The following RYR3 variants were observed in gnomAD, a reference collection of about 807,000 sequenced individuals.
RYR3 encodes the protein brain ryanodine receptor-calcium release channel.
A neutral mutation model predicts 584.3 loss-of-function variants in RYR3; 207 were observed. The ratio of observed to expected loss-of-function variants is 0.35; its 90% CI spans 0.32 to 0.40. The LOEUF (loss-of-function observed/expected upper bound fraction) is 0.40. Among genes scored for constraint, RYR3 ranks in the 10% least tolerant of loss-of-function variants. RYR3 has a pLI of 1.00. For missense variants in RYR3, 5,616 were observed against 6,089.2 expected, an observed-to-expected ratio of 0.92 and a Z score of 2.59; for synonymous variants, 2,416 against 2,248.5, an observed-to-expected ratio of 1.07 and a Z score of -2.11.
At chr15:33,657,890 G>C (rs991918958) in intron 32 of RYR3, among the ~76,000 whole-genome samples, 6 of 152,196 alleles carry the variant, frequency 3.9e-5, no homozygotes, top group African/African-American at 1.4e-4. Context: ...ACAAATGATA[G>C]CACTAAATCA....
At chr15:33,507,508 A>G (rs918415186) in intron 3 of RYR3, among the ~76,000 whole-genome samples, 2 of 152,228 alleles carry the variant, frequency 1.3e-5, no homozygotes, top group African/African-American at 4.8e-5. Context: ...CACTGTGGCC[A>G]ATTTTATGGC....
chr15:33,553,649 A>C (rs1471898045), intron 10 of RYR3, among the ~76,000 whole-genome samples: 1 of 152,186 alleles, frequency 6.6e-6, no homozygotes, highest in African/African-American at 2.4e-5. Flanking sequence ...CCCCAACTTC[A>C]GCAGCTGATG....
At chr15:33,584,527 A>C (rs1293967944) in intron 15 of RYR3, 37 bp downstream of exon 15, 1 of 963,696 alleles carries the variant, frequency 1.0e-6, no homozygotes. Context: ...AGAAAAGATG[A>C]AGGGTTTTTT....
intron 4 of RYR3, among the ~76,000 whole-genome samples, chr15:33,532,054 AG>A (rs2054924835): frequency 6.6e-6 from 1 of 152,190 alleles, no homozygotes; most frequent in East Asian, 1.9e-4. Context: ...TCTACTGGCT[AG>A]CTCCTTTTAA....
chr15:33,581,158 G>A (rs1272649393), intron 13 of RYR3, among the ~76,000 whole-genome samples: 1 of 151,862 alleles, frequency 6.6e-6, no homozygotes, highest in East Asian at 1.9e-4. Context: ...GCTGTTTCTG[G>A]GTGAGTCAGA....
At chr15:33,677,023 A>G (rs2064228734) in intron 38 of RYR3, among the ~76,000 whole-genome samples, 1 of 152,152 alleles carries the variant, frequency 6.6e-6, no homozygotes, top group African/African-American at 2.4e-5. Flanking sequence ...GTTTGATTTT[A>G]TTCTCGCAAC....
intron 96 of RYR3, 148 bp downstream of exon 96, chr15:33,853,830 AC>A: frequency 1.0e-6 from 1 of 974,828 alleles, no homozygotes; most frequent in East Asian, 2.6e-5. Flanking sequence ...CTGGGAGAGC[AC>A]TGCCTTAAAA....
rs1222900350 is a variant in RYR3 at position 33,565,189 on chromosome 15, A to G, written c.1147-1489A>G. Among the ~76,000 whole-genome samples the G allele has an allele frequency of 2.6e-5, 4 of 152,328 alleles. No individual in the cohort carries two copies. The East Asian group carries it at 7.7e-4, about 29-fold the overall frequency. ...CTGCATTTCCCCCAGCCAGTTTTAA[A>G]TGTGTTATCTGAGCAAGCAAAACCT... On this transcript the variant is annotated intron_variant, in intron 11 of 103. Transcript: ENST00000634891.
chr15:33,541,610 T>A (rs955458902), intron 7 of RYR3, among the ~76,000 whole-genome samples: 25 of 152,162 alleles, frequency 1.6e-4, no homozygotes, highest in Non-Finnish European at 3.4e-4. Flanking sequence ...TCAGAATTTT[T>A]AAAAATACTC....
chr15:33,683,390 G>A (rs1566944988), intron 38 of RYR3, among the ~76,000 whole-genome samples: 1 of 152,174 alleles, frequency 6.6e-6, no homozygotes, highest in African/African-American at 2.4e-5. Context: ...AATAAAATCA[G>A]TATTTAGTTG....
intron 11 of RYR3, among the ~76,000 whole-genome samples, chr15:33,566,271 TTGTC>T (rs1458392095): frequency 2.0e-5 from 3 of 152,196 alleles, no homozygotes; most frequent in South Asian, 2.1e-4. Flanking sequence ...TTGCTTTAAA[TTGTC>T]TGTCTTTTTC....
chr15:33,796,129 GTTTTTGT>G (rs1197363033), intron 67 of RYR3, among the ~76,000 whole-genome samples: 4 of 56,782 alleles, frequency 7.0e-5, no homozygotes, highest in East Asian at 8.8e-4. Context: ...GTTTTGTTTT[GTTTTTGT>G]TTTTGTTTTT....
intron 2 of RYR3, among the ~76,000 whole-genome samples, chr15:33,477,952 G>A (rs2049574410): frequency 6.9e-6 from 1 of 145,498 alleles, no homozygotes; most frequent in Non-Finnish European, 1.5e-5. Flanking sequence ...GAGAGGAAAT[G>A]TTTCTTTTTC....
intron 1 of RYR3, among the ~76,000 whole-genome samples, chr15:33,456,812 T>G (rs2047600240): frequency 6.6e-6 from 1 of 152,184 alleles, no homozygotes; most frequent in African/African-American, 2.4e-5. Flanking sequence ...GCAACAATAG[T>G]TGCAGTTGTG....
chr15:33,518,015 T>C (rs774707984), intron 3 of RYR3, among the ~76,000 whole-genome samples: 1 of 152,244 alleles, frequency 6.6e-6, no homozygotes, highest in Non-Finnish European at 1.5e-5. Context: ...AATCTTCTTT[T>C]GATTCTTCAA....
At chr15:33,815,141 TTAC>T (rs1157580902) in intron 74 of RYR3, among the ~76,000 whole-genome samples, 1 of 150,860 alleles carries the variant, frequency 6.6e-6, no homozygotes, top group Admixed American at 6.6e-5. Flanking sequence ...AAGAAACAGA[TTAC>T]TATCTTTGGA....
At chr15:33,849,678 C>G (rs988864911) in intron 94 of RYR3, 5 of 152,122 alleles carry the variant, frequency 3.3e-5, no homozygotes, top group Admixed American at 1.3e-4. Context: ...TGTTGAAACT[C>G]TTAGGTGTGC....
At chr15:33,446,241 T>A (rs764019839) in intron 1 of RYR3, among the ~76,000 whole-genome samples, 4 of 152,198 alleles carry the variant, frequency 2.6e-5, no homozygotes, top group Non-Finnish European at 5.9e-5. Context: ...GGCAAGAGAT[T>A]GAGATTTTCT....
chr15:33,564,137 C>T lies in RYR3; in HGVS notation c.1146+1127C>T, dbSNP rs117486766. Among the ~76,000 whole-genome samples, 483 of 152,300 alleles carry T rather than the reference C, an allele frequency of 3.2e-3. 4 individuals are homozygous for T. The highest frequency in any genetic ancestry group is 0.02 in the Middle Eastern group (6 of 294). ...ACTAGGGCATGGGATCTTGCATTAGCTCAGTTGTGCTAAAGAGTCAGATTG... is the reference window on the plus strand; with the variant it reads ...ACTAGGGCATGGGATCTTGCATTAGTTCAGTTGTGCTAAAGAGTCAGATTG... On this transcript the variant is annotated intron_variant, in intron 11 of 103. Coordinates refer to ENST00000634891, the MANE Select transcript of RYR3 (RefSeq NM_001036.6).
Sources: gnomAD v4.1 joint callset for allele counts (sites outside exome capture counted in the v4.1 genomes callset) on GRCh38, gnomAD v4.1.1 for gene constraint, MANE v1.5 for transcripts, NCBI Gene and HGNC (gene_info 2026-07-23, HGNC 2026-07-21) for gene names.